The following AGBL4 variants were observed in gnomAD, a reference collection of about 807,000 sequenced individuals.
AGBL4 encodes cytosolic carboxypeptidase 6.
Under a neutral mutation model 66.4 loss-of-function variants are expected in AGBL4, and 58 were observed. The ratio of observed to expected loss-of-function variants is 0.87; its 90% confidence interval spans 0.71 to 1.09. The LOEUF (loss-of-function observed/expected upper bound fraction) is 1.09, where lower values mean the gene tolerates loss of function less well. Among genes scored for constraint, AGBL4 ranks in the 50% least tolerant of loss-of-function variants. The pLI, the probability that AGBL4 is intolerant of heterozygous loss-of-function variation, is 0.00. For missense variants in AGBL4, 579 were observed against 631.0 expected (o/e 0.92, Z 0.88); for synonymous variants, 234 against 222.9 (o/e 1.05, Z -0.44).
At chr1:48,995,721 TTTGGG>T (rs1557539582) in intron 5 of AGBL4, among the ~76,000 whole-genome samples, 4 of 152,128 alleles carry the variant, frequency 2.6e-5, no homozygotes, top group Non-Finnish European at 5.9e-5. Context: ...GCTTGCCATC[TTTGGG>T]TGACAGAGAG....
intron 1 of AGBL4, among the ~76,000 whole-genome samples, chr1:49,920,740 G>A (rs1212278089): frequency 6.6e-6 from 1 of 151,882 alleles, no homozygotes; most frequent in South Asian, 2.1e-4. Context: ...CCCATTACTG[G>A]GTATATACCC....
intron 3 of AGBL4, chr1:49,257,286 G>GAGGC (rs1478602039): frequency 6.6e-6 from 1 of 152,288 alleles, no homozygotes; most frequent in African/African-American, 2.4e-5. Context: ...GGAGCCTACA[G>GAGGC]AGGCAGGCAG....
intron 6 of AGBL4, among the ~76,000 whole-genome samples, chr1:48,712,338 C>G (rs1473846699): frequency 6.6e-6 from 1 of 152,192 alleles, no homozygotes; most frequent in Admixed American, 6.5e-5. Flanking sequence ...CTCTTCAGGA[C>G]CTGGCCCTTT....
chr1:49,117,393 TG>T (rs1177355650), intron 4 of AGBL4, among the ~76,000 whole-genome samples: 3 of 152,212 alleles, frequency 2.0e-5, no homozygotes, highest in African/African-American at 7.2e-5. Context: ...AATTAATTTT[TG>T]TATAAGGTGT....
chr1:48,821,605 G>T (rs1251146349), intron 6 of AGBL4, among the ~76,000 whole-genome samples: 2 of 152,112 alleles, frequency 1.3e-5, no homozygotes, highest in Admixed American at 6.6e-5. Context: ...CTGCGAGAGT[G>T]GGAGGAGGGG....
intron 4 of AGBL4, among the ~76,000 whole-genome samples, chr1:49,070,490 C>A (rs2147933634): frequency 6.6e-6 from 1 of 152,034 alleles, no homozygotes; most frequent in Admixed American, 6.5e-5. Flanking sequence ...TTGAGCTAAT[C>A]ATGTGGTTTT....
intron 3 of AGBL4, among the ~76,000 whole-genome samples, chr1:49,283,604 T>C (rs377384960): frequency 1.3e-5 from 2 of 151,966 alleles, no homozygotes; most frequent in Non-Finnish European, 2.9e-5. Flanking sequence ...CAAAGGCAAA[T>C]AAGTTGAAAA....
At chr1:48,850,887 T>G (rs1647018010) in intron 6 of AGBL4, among the ~76,000 whole-genome samples, 1 of 152,214 alleles carries the variant, frequency 6.6e-6, no homozygotes, top group Admixed American at 6.5e-5. Flanking sequence ...GTCGGAAAAC[T>G]TGGGTTCAAA....
At chr1:49,089,189 G>A (rs906065780) in intron 4 of AGBL4, among the ~76,000 whole-genome samples, 5 of 150,796 alleles carry the variant, frequency 3.3e-5, no homozygotes, top group African/African-American at 1.2e-4. Context: ...CACCTCTAGA[G>A]GAACTAAAGA....
intron 6 of AGBL4, among the ~76,000 whole-genome samples, chr1:48,663,793 C>T (rs320010): frequency 0.87 from 132,400 of 152,088 alleles, 57,926 homozygotes; most frequent in African/African-American, 0.91. Context: ...GCACATTATA[C>T]ACATACATAA....
At chr1:49,282,893 G>A (rs1042664019) in intron 3 of AGBL4, among the ~76,000 whole-genome samples, 1 of 152,116 alleles carries the variant, frequency 6.6e-6, no homozygotes, top group Non-Finnish European at 1.5e-5. Flanking sequence ...CTCGCTGACT[G>A]CTAGCACAGC....
chr1:49,251,487 T>C (rs1419535349), intron 3 of AGBL4, among the ~76,000 whole-genome samples: 1 of 152,060 alleles, frequency 6.6e-6, no homozygotes, highest in Non-Finnish European at 1.5e-5. Flanking sequence ...CTCACACCAT[T>C]AGCAATTACT....
chr1:49,569,696 C>T lies in AGBL4; in HGVS notation c.282+127617G>A, dbSNP rs563662484. 3.3e-5 allele frequency among the ~76,000 whole-genome samples: 5 copies of T among 152,194 alleles called. No homozygotes were observed. The East Asian group carries it at 5.8e-4, about 18-fold the overall frequency. On this transcript the variant is annotated intron_variant, in intron 3 of 13. Transcript: ENST00000371839. ...GGTTATCCATAAACAAAATAATGTA[C>T]ATTGCACACAATAAGTAATTTCTTA...
At chr1:49,824,961 T>C (rs1231505884) in intron 2 of AGBL4, among the ~76,000 whole-genome samples, 1 of 152,194 alleles carries the variant, frequency 6.6e-6, no homozygotes, top group Non-Finnish European at 1.5e-5. Context: ...CCTCTATTGA[T>C]TTTGACTCCA....
chr1:48,679,763 G>T (rs368967363), intron 6 of AGBL4, among the ~76,000 whole-genome samples: 1 of 152,218 alleles, frequency 6.6e-6, no homozygotes, highest in Non-Finnish European at 1.5e-5. Context: ...CATTAGCACG[G>T]CACTGGCACA....
intron 2 of AGBL4, among the ~76,000 whole-genome samples, chr1:49,757,226 AT>A (rs1280985279): frequency 3.9e-5 from 6 of 152,058 alleles, no homozygotes; most frequent in African/African-American, 1.4e-4. Context: ...ATGATTGTAT[AT>A]TTTTTGAGGC....
chr1:49,602,950 T>C (rs1020380168), intron 3 of AGBL4, among the ~76,000 whole-genome samples: 4 of 152,278 alleles, frequency 2.6e-5, no homozygotes, highest in African/African-American at 9.6e-5. Context: ...GTGCTTCAAA[T>C]ACATTAACTC....
chr1:49,144,684 T>G (rs182211428), intron 4 of AGBL4, among the ~76,000 whole-genome samples: 1 of 152,138 alleles, frequency 6.6e-6, no homozygotes, highest in Admixed American at 6.5e-5. Flanking sequence ...ACAATGATAA[T>G]TTGATGATAA....
rs551975961 is a variant in AGBL4, at chr1:48,961,982, G to C, written c.594+83602C>G. 1.8e-3 allele frequency among the ~76,000 whole-genome samples: 267 copies of C among 152,266 alleles called. 1 individual carries two copies. The highest frequency in any genetic ancestry group is 6.2e-3 in the African/African-American group (257 of 41,540). On this transcript the variant is annotated intron_variant, in intron 5 of 13. Transcript: ENST00000371839. Reference sequence around the variant, plus strand: ...GTATGGATTCTGATTCAATGGATGAGAAGGGAGGCAATTGGTATTTTTTAG... The same window carrying C: ...GTATGGATTCTGATTCAATGGATGACAAGGGAGGCAATTGGTATTTTTTAG...
Sources: gnomAD v4.1 joint callset for allele counts (sites outside exome capture counted in the v4.1 genomes callset) on GRCh38, gnomAD v4.1.1 for gene constraint, MANE v1.5 for transcripts, NCBI Gene and HGNC (gene_info 2026-07-23, HGNC 2026-07-21) for gene names.